The following SYNE1 variants were observed in gnomAD, a reference collection of about 807,000 sequenced individuals.
The protein encoded by SYNE1 is spectrin repeat containing nuclear envelope protein 1.
In SYNE1, 616 loss-of-function variants were observed where a neutral mutation model predicts 1,111.0. That is an observed-to-expected ratio of 0.55 (90% CI 0.52 to 0.59). The LOEUF (loss-of-function observed/expected upper bound fraction) is 0.59. SYNE1 is among the 20% of genes least tolerant of loss of function. The probability of loss-of-function intolerance (pLI) is 0.00; values close to 1 mark genes in which losing one functional copy is unlikely to be tolerated. For synonymous variants in SYNE1, 3,855 were observed against 3,825.8 expected, an observed-to-expected ratio of 1.01 and a Z score of -0.28; for missense variants, 10,006 against 10,417.0, an observed-to-expected ratio of 0.96 and a Z score of 1.72.
intron 45 of SYNE1, among the ~76,000 whole-genome samples, chr6:152,405,759 C>A (rs1172042332): frequency 2.0e-5 from 3 of 152,102 alleles, no homozygotes; most frequent in Admixed American, 6.6e-5. Flanking sequence ...TATCCATCAC[C>A]CCTGCCTGTA....
At chr6:152,581,232 T>A (rs2099518199) in intron 3 of SYNE1, among the ~76,000 whole-genome samples, 1 of 152,200 alleles carries the variant, frequency 6.6e-6, no homozygotes, top group Non-Finnish European at 1.5e-5. Context: ...CAACTAGGAC[T>A]TTTATTTGCA....
intron 128 of SYNE1, among the ~76,000 whole-genome samples, chr6:152,188,360 C>T (rs1051852734): frequency 6.6e-5 from 10 of 152,114 alleles, no homozygotes; most frequent in African/African-American, 2.4e-4. Flanking sequence ...GATGTCTTCT[C>T]GCTGCCTTTC....
intron 3 of SYNE1, among the ~76,000 whole-genome samples, chr6:152,568,289 C>CTTTTTTTTTTT (rs10601350): frequency 1.2e-5 from 1 of 80,310 alleles, no homozygotes; most frequent in African/African-American, 5.0e-5. Flanking sequence ...TTATTTTATT[C>CTTTTTTTTTTT]TTTTTTTTTT....
intron 105 of SYNE1, among the ~76,000 whole-genome samples, chr6:152,246,744 G>A (rs1158447226): frequency 6.6e-6 from 1 of 152,188 alleles, no homozygotes; most frequent in Non-Finnish European, 1.5e-5. Context: ...GATAAAAATA[G>A]ATCCTCCCCA....
chr6:152,515,536 A>T (rs1334313120), intron 6 of SYNE1, among the ~76,000 whole-genome samples: 1 of 152,248 alleles, frequency 6.6e-6, no homozygotes, highest in Admixed American at 6.5e-5. Context: ...AAAACCAGGG[A>T]TCACAGTTCT....
chr6:152,351,860 A>G (rs1284402101), intron 70 of SYNE1, among the ~76,000 whole-genome samples, 167 bp downstream of exon 70: 1 of 152,184 alleles, frequency 6.6e-6, no homozygotes, highest in Non-Finnish European at 1.5e-5. Context: ...AGTGGATTTA[A>G]CCCAATAAAT....
Position 152,449,656 on chromosome 6 carries a change from G to T in SYNE1, c.3396-15C>A. 1 of 1,571,714 alleles carries T rather than the reference G, an allele frequency of 6.4e-7. No homozygotes were observed. Among genetic ancestry groups the T allele is most frequent in the Non-Finnish European group, 8.8e-7 (1 of 1,141,560 alleles). ...ACTCAGAGAATCTGAAATAACATAA[G>T]CACTTTCTTATTAAAGGGAGAACAT... On this transcript the variant is annotated splice_polypyrimidine_tract_variant and intron_variant, in intron 27 of 145. Coordinates refer to ENST00000367255, the MANE Select transcript of SYNE1 (RefSeq NM_182961.4).
intron 39 of SYNE1, among the ~76,000 whole-genome samples, chr6:152,424,493 T>C (rs770625162): frequency 6.6e-6 from 1 of 152,210 alleles, no homozygotes; most frequent in Non-Finnish European, 1.5e-5. Flanking sequence ...ACCATTCAAA[T>C]GTCCCTTTTT....
intron 130 of SYNE1, 146 bp downstream of exon 130, chr6:152,176,248 T>C (rs919838848): frequency 1.4e-5 from 15 of 1,101,846 alleles, no homozygotes; most frequent in South Asian, 7.9e-5. Context: ...GTGCCACTTA[T>C]GAGAGGAGCA....
intron 32 of SYNE1, among the ~76,000 whole-genome samples, chr6:152,439,788 A>T (rs976814426): frequency 2.6e-5 from 4 of 152,146 alleles, no homozygotes; most frequent in African/African-American, 9.7e-5. Flanking sequence ...TCATTTCTCT[A>T]CTAATTCAGT....
At position 152,369,731 on chromosome 6, in the gene SYNE1, C is replaced by G; in HGVS notation, c.9508-117G>C. ...GGCACAGTGGCTCACGCCTGTAATC[C>G]CAGCACTTTGGGTGGCCGAGGTGAG... On this transcript the variant is annotated intron_variant, in intron 59 of 145. Coordinates refer to ENST00000367255, the MANE Select transcript of SYNE1 (RefSeq NM_182961.4). The G allele has an allele frequency of 2.3e-6, 3 of 1,295,092 alleles. No individual in the cohort carries two copies. In the South Asian group the frequency reaches 3.7e-5, roughly 16 times the overall value. The allele number at this position is 1,295,092 out of a possible 1,614,324, so 80.2% of individuals were successfully genotyped here. A position where few individuals can be genotyped will look rare whatever the true frequency, so the allele number is the denominator to read the frequency against.
chr6:152,504,232 C>A (rs2099045244), intron 9 of SYNE1, among the ~76,000 whole-genome samples: 3 of 152,036 alleles, frequency 2.0e-5, no homozygotes, highest in Non-Finnish European at 4.4e-5. Context: ...CTTTGATATC[C>A]TAGTGAAAGT....
At chr6:152,199,668 G>T (rs11962878) in intron 127 of SYNE1, among the ~76,000 whole-genome samples, 10,084 of 152,094 alleles carry the variant, frequency 0.066, 389 homozygotes, top group African/African-American at 0.11. Context: ...TTCATGTGCC[G>T]TTTCCCCTCC....
intron 16 of SYNE1, among the ~76,000 whole-genome samples, chr6:152,471,133 G>A (rs1488898972): frequency 6.6e-6 from 1 of 151,756 alleles, no homozygotes; most frequent in South Asian, 2.1e-4. Flanking sequence ...AGGGAATTAC[G>A]GTAAAAAAAG....
chr6:152,485,422 T>C (rs2098933979), intron 12 of SYNE1, among the ~76,000 whole-genome samples: 2 of 152,232 alleles, frequency 1.3e-5, no homozygotes, highest in Admixed American at 1.3e-4. Context: ...AAATAGAAAT[T>C]GCATATATCA....
intron 3 of SYNE1, among the ~76,000 whole-genome samples, chr6:152,573,109 G>A (rs748187681): frequency 7.9e-5 from 12 of 152,028 alleles, no homozygotes; most frequent in Non-Finnish European, 1.3e-4. Flanking sequence ...TAAGGGCGAG[G>A]CACTTAGAGG....
chr6:152,338,413 G>C (rs377093133), intron 75 of SYNE1, among the ~76,000 whole-genome samples: 2 of 152,092 alleles, frequency 1.3e-5, no homozygotes, highest in African/African-American at 4.8e-5. Flanking sequence ...CTTGAGCCCA[G>C]GAGTTCGAGA....
chr6:152,401,585 C>T (rs1047343543), intron 46 of SYNE1, among the ~76,000 whole-genome samples: 2 of 152,138 alleles, frequency 1.3e-5, no homozygotes, highest in Admixed American at 6.5e-5. Context: ...AGTGGAAGCT[C>T]TAACTGAGGT....
intron 40 of SYNE1, 68 bp from the exon 41 acceptor site, chr6:152,417,083 G>A: frequency 6.3e-7 from 1 of 1,598,360 alleles, no homozygotes; most frequent in Non-Finnish European, 8.5e-7. Context: ...TATTTTACAG[G>A]ATTTGTGATG....
Sources: allele counts gnomAD v4.1 joint callset (sites outside exome capture counted in the v4.1 genomes callset), GRCh38; gene constraint gnomAD v4.1.1; transcripts MANE v1.5; gene names NCBI Gene and HGNC (gene_info 2026-07-23, HGNC 2026-07-21).